The following CEP63 variants were observed in gnomAD, a reference collection of about 807,000 sequenced individuals.
CEP63 encodes the protein centrosomal protein of 63 kDa.
Under a neutral mutation model 89.1 loss-of-function variants are expected in CEP63, and 84 were observed. That is an observed-to-expected ratio of 0.94 (90% CI 0.79 to 1.13). The LOEUF is 1.13. Among genes scored for constraint, CEP63 ranks in the 50% most tolerant of loss-of-function variants. The pLI is 0.00. For missense variants in CEP63, 838 were observed against 813.3 expected (o/e 1.03, Z -0.37); for synonymous variants, 267 against 272.5 (o/e 0.98, Z 0.20).
chr3:134,496,818 T>A (rs1258767545), intron 2 of CEP63, among the ~76,000 whole-genome samples: 4 of 152,194 alleles, frequency 2.6e-5, no homozygotes, highest in Admixed American at 2.6e-4. Flanking sequence ...TACAATATGG[T>A]AGTTCTATTT....
At chr3:134,674,581 G>T in the CEP63 span, among the ~76,000 whole-genome samples, 5 of 151,660 alleles carry the variant, frequency 3.3e-5, no homozygotes, top group Non-Finnish European at 7.4e-5. Flanking sequence ...TTCTTTTCAG[G>T]GAAATTAAAC....
chr3:134,556,968 T>C (rs540768433), intron 12 of CEP63, among the ~76,000 whole-genome samples: 2 of 152,302 alleles, frequency 1.3e-5, no homozygotes, highest in African/African-American at 4.8e-5. Flanking sequence ...TTCTCTAGTT[T>C]TGAAATTACA....
At chr3:134,626,946 T>C in the CEP63 span, among the ~76,000 whole-genome samples, 96,951 of 152,074 alleles carry the variant, frequency 0.64, 31,575 homozygotes, top group East Asian at 0.88. Flanking sequence ...ATCAGGGCGA[T>C]CTAAGTGCAT....
chr3:134,577,431 C>T (rs1321982202), downstream of CEP63, among the ~76,000 whole-genome samples: 7 of 86,328 alleles, frequency 8.1e-5, no homozygotes, highest in Admixed American at 3.9e-4. Flanking sequence ...TTCTAATCCA[C>T]TTTTTTTTTT....
chr3:134,539,338 A>C (rs549077110), intron 6 of CEP63, among the ~76,000 whole-genome samples: 2 of 152,298 alleles, frequency 1.3e-5, no homozygotes, highest in South Asian at 2.1e-4. Context: ...AGATCTCTAG[A>C]ACTTTTTTAT....
rs1445948295 is a variant in CEP63 at position 134,486,182 on chromosome 3, C to T, written c.-46C>T. The T allele has an allele frequency of 6.3e-5, 62 of 985,460 alleles. No individual in the cohort carries two copies. The highest frequency in any genetic ancestry group is 7.1e-5 in the Non-Finnish European group (59 of 830,024). 61.0% of individuals were successfully genotyped at this position (985,460 alleles called of 1,614,324 possible). On this transcript the variant is annotated 5_prime_UTR_variant, in exon 1 of 15. Coordinates refer to ENST00000675561, the MANE Select transcript of CEP63 (RefSeq NM_001353108.3). Reference sequence around the variant, plus strand: ...TGGACGTAAGCTTAGCGGTGGCGCGCGTGCGCAGCGCCGGCCCGAGGTAAC... The same window carrying T: ...TGGACGTAAGCTTAGCGGTGGCGCGTGTGCGCAGCGCCGGCCCGAGGTAAC...
the CEP63 span, chr3:134,604,031 T>G: frequency 1.2e-6 from 2 of 1,613,876 alleles, no homozygotes; most frequent in East Asian, 2.2e-5. Flanking sequence ...AGCTGGAAGA[T>G]GTAGCGCCGC....
chr3:134,640,481 A>G, the CEP63 span, among the ~76,000 whole-genome samples: 1 of 152,140 alleles, frequency 6.6e-6, no homozygotes, highest in African/African-American at 2.4e-5. Flanking sequence ...GGCTTAGCTT[A>G]ATATCTGGCA....
At chr3:134,762,842 C>G in the CEP63 span, among the ~76,000 whole-genome samples, 1 of 152,180 alleles carries the variant, frequency 6.6e-6, no homozygotes, top group Non-Finnish European at 1.5e-5. Flanking sequence ...AAAGCCCCCA[C>G]AGAAACAAAA....
intron 9 of CEP63, 45 bp downstream of exon 9, chr3:134,547,517 T>G: frequency 6.5e-7 from 1 of 1,541,742 alleles, no homozygotes; most frequent in Non-Finnish European, 8.9e-7. Context: ...GTTGTTAAAA[T>G]GAATTTTTGA....
At chr3:134,626,006 A>G in the CEP63 span, among the ~76,000 whole-genome samples, 2 of 152,366 alleles carry the variant, frequency 1.3e-5, no homozygotes, top group Admixed American at 6.5e-5. Flanking sequence ...TGCCTGGCCA[A>G]TGGTTAGACC....
downstream of CEP63, among the ~76,000 whole-genome samples, chr3:134,592,469 GGTGT>G (rs34973626): frequency 0.17 from 21,271 of 124,968 alleles, 1,826 homozygotes; most frequent in African/African-American, 0.24. Flanking sequence ...TCTGCAAACT[GGTGT>G]GTGTGTGTGT....
the CEP63 span, among the ~76,000 whole-genome samples, chr3:134,764,089 A>G: frequency 2.0e-5 from 3 of 152,238 alleles, no homozygotes; most frequent in African/African-American, 7.2e-5. Flanking sequence ...ATATGGTAGA[A>G]CTATAGGCTG....
At chr3:134,748,689 T>C in the CEP63 span, among the ~76,000 whole-genome samples, 244 of 152,328 alleles carry the variant, frequency 1.6e-3, 1 homozygote, top group Middle Eastern at 0.014. Flanking sequence ...GATCTTGTGA[T>C]GACTGATGGG....
At chr3:134,604,012 T>C in the CEP63 span, 2 of 1,613,980 alleles carry the variant, frequency 1.2e-6, no homozygotes, top group African/African-American at 2.7e-5. Context: ...GGTCTGCTTC[T>C]CCCGGTGCAG....
At chr3:134,748,036 G>A in the CEP63 span, among the ~76,000 whole-genome samples, 1 of 151,998 alleles carries the variant, frequency 6.6e-6, no homozygotes, top group African/African-American at 2.4e-5. Context: ...CTCCCACCTC[G>A]GCCTTCCAAA....
the CEP63 span, among the ~76,000 whole-genome samples, chr3:134,700,140 A>C: frequency 1.3e-5 from 2 of 152,210 alleles, no homozygotes; most frequent in Non-Finnish European, 2.9e-5. Flanking sequence ...CAATGCCTAG[A>C]AACTATATTT....
intron 2 of CEP63, among the ~76,000 whole-genome samples, chr3:134,498,601 G>T (rs1463732767): frequency 1.3e-5 from 2 of 152,166 alleles, no homozygotes; most frequent in Non-Finnish European, 2.9e-5. Flanking sequence ...TGTTGAATGG[G>T]AGTGGTGGAA....
At chr3:134,781,881 C>G in the CEP63 span, among the ~76,000 whole-genome samples, 18 of 152,200 alleles carry the variant, frequency 1.2e-4, no homozygotes, top group Non-Finnish European at 2.2e-4. Flanking sequence ...TATTTTTCAT[C>G]TCTCTTTTAT....
Sources: gnomAD v4.1 joint callset for allele counts (sites outside exome capture counted in the v4.1 genomes callset) on GRCh38, gnomAD v4.1.1 for gene constraint, MANE v1.5 for transcripts, NCBI Gene and HGNC (gene_info 2026-07-23, HGNC 2026-07-21) for gene names.